Variants in GLUD1 observed in about 807,000 individuals in gnomAD.
The protein encoded by GLUD1 is glutamate dehydrogenase 1.
Under a neutral mutation model 56.0 loss-of-function variants are expected in GLUD1, and 22 were observed. The ratio of observed to expected loss-of-function variants is 0.39; its 90% CI spans 0.28 to 0.56. The LOEUF is 0.56. Among genes scored for constraint, GLUD1 ranks in the 20% least tolerant of loss-of-function variants. The pLI is 0.58. For synonymous variants in GLUD1, 223 were observed against 269.9 expected (o/e 0.83, Z 1.70); for missense variants, 451 against 732.0 (o/e 0.62, Z 4.43).
intron 1 of GLUD1, among the ~76,000 whole-genome samples, chr10:87,078,521 T>C (rs146139661): frequency 6.8e-4 from 104 of 152,352 alleles, no homozygotes; most frequent in African/African-American, 2.3e-3. Context: ...CTTTGTTATG[T>C]TCACTGCTTT....
chr10:87,094,251 G>T lies in GLUD1; in HGVS notation c.445+74C>A. 1 of 1,514,972 alleles carries T rather than the reference G, an allele frequency of 6.6e-7. No individual in the cohort carries two copies. The highest frequency in any genetic ancestry group is 8.9e-7 in the Non-Finnish European group (1 of 1,119,882). 93.8% of individuals were successfully genotyped at this position (1,514,972 alleles called of 1,614,324 possible). A position where few individuals can be genotyped will look rare whatever the true frequency, so the allele number is the denominator to read the frequency against. ...CTGGGCTGGGCTGAGCAGCGGCCCCGCACCGGCAGGAGGCCGGAGGGGAGG... is the reference window on the plus strand; with the variant it reads ...CTGGGCTGGGCTGAGCAGCGGCCCCTCACCGGCAGGAGGCCGGAGGGGAGG... On this transcript the variant is annotated intron_variant, in intron 1 of 12. Transcript: ENST00000277865. The surrounding 1 kb of genome is among the most constrained non-coding windows in gnomAD (Gnocchi z 6.6).
chr10:87,061,730 C>T (rs913585052), intron 6 of GLUD1, among the ~76,000 whole-genome samples: 2 of 151,764 alleles, frequency 1.3e-5, no homozygotes, highest in Non-Finnish European at 2.9e-5. Flanking sequence ...GAGTCTCCTG[C>T]CTTAGTCTCC....
rs199752396 is a variant in GLUD1 at position 87,094,440 on chromosome 10, C to T, written c.330G>A (p.Lys110=). Residue 110 remains lysine (K), a synonymous_variant, in exon 1 of 13, where the codon AAG becomes AAA. Transcript: ENST00000277865. This position sits in a 1 kb window ranked among gnomAD's most constrained non-coding sequence, Gnocchi z 6.6. ...NRVRGILRII[K]PCNHVLSLSF... ...AGAGACTCAGCACATGGTTGCAGGG[C>T]TTGATGATCCGCAGGATGCCGCGCA... 1.7e-5 allele frequency: 28 copies of T among 1,613,680 alleles called. No homozygotes were observed. Among genetic ancestry groups the T allele is most frequent in the Middle Eastern group, 1.7e-4 (1 of 5,880 alleles).
At chr10:87,080,909 A>G (rs1163843160) in intron 1 of GLUD1, among the ~76,000 whole-genome samples, 58 of 91,320 alleles carry the variant, frequency 6.4e-4, no homozygotes, top group South Asian at 1.1e-3. Context: ...GCCTCTGCCC[A>G]GCCGCCCCTA....
At chr10:87,081,946 C>CAAAA (rs71019464) in intron 1 of GLUD1, among the ~76,000 whole-genome samples, 4 of 85,666 alleles carry the variant, frequency 4.7e-5, no homozygotes, top group Non-Finnish European at 5.0e-5. Context: ...ATGATCAATA[C>CAAAA]AAAAAAAAAA....
intron 1 of GLUD1, among the ~76,000 whole-genome samples, chr10:87,088,340 T>C (rs1214602727): frequency 6.6e-6 from 1 of 151,986 alleles, no homozygotes; most frequent in African/African-American, 2.4e-5. Flanking sequence ...ATAAAAAAAT[T>C]CAACTTTGTT....
chr10:87,053,463 T>G, intron 11 of GLUD1, 59 bp from the exon 12 acceptor site: 2 of 1,083,580 alleles, frequency 1.8e-6, no homozygotes, highest in Non-Finnish European at 2.9e-6. Context: ...TGTGTCCCTG[T>G]ATAAGATGAC....
rs768294193 is a variant in GLUD1 at position 87,061,244 on chromosome 10, G to A, written c.922-192C>T. On this transcript the variant is annotated intron_variant, in intron 6 of 12. Coordinates refer to ENST00000277865, the MANE Select transcript of GLUD1 (RefSeq NM_005271.5). ...TTCTCTGTTTAAGAATGTGATGAGC[G>A]GGCATGGTGGCTCACGCTTGTAATT... is the stretch of plus-strand genomic sequence containing the variant. 630 of 705,528 alleles carry A rather than the reference G, an allele frequency of 8.9e-4. 1 individual carries two copies. Among genetic ancestry groups the A allele is most frequent in the Non-Finnish European group, 1.4e-3 (535 of 389,182 alleles). 43.7% of individuals were successfully genotyped at this position (705,528 alleles called of 1,614,324 possible). A position where few individuals can be genotyped will look rare whatever the true frequency, so the allele number is the denominator to read the frequency against.
chr10:87,059,600 G>C (rs1845876552), intron 9 of GLUD1, among the ~76,000 whole-genome samples: 1 of 152,170 alleles, frequency 6.6e-6, no homozygotes, highest in Non-Finnish European at 1.5e-5. Flanking sequence ...AGTTGGACTG[G>C]ACTGTCCACA....
At chr10:87,089,566 G>A in intron 1 of GLUD1, 1 of 971,396 alleles carries the variant, frequency 1.0e-6, no homozygotes, top group Non-Finnish European at 1.2e-6. Flanking sequence ...TCTGACCTTG[G>A]TGAAGGCAGT....
chr10:87,074,974 AT>A (rs1387856933), intron 3 of GLUD1, among the ~76,000 whole-genome samples: 1 of 152,244 alleles, frequency 6.6e-6, no homozygotes, highest in Non-Finnish European at 1.5e-5. Flanking sequence ...ATAATTTAGT[AT>A]TATGTAAAGC....
At chr10:87,087,729 C>T in intron 1 of GLUD1, among the ~76,000 whole-genome samples, 1 of 152,246 alleles carries the variant, frequency 6.6e-6, no homozygotes, top group Admixed American at 6.5e-5. Flanking sequence ...AAGCCACCCC[C>T]TCTTTATCTG....
At chr10:87,085,282 G>A (rs1841354154) in intron 1 of GLUD1, among the ~76,000 whole-genome samples, 1 of 148,870 alleles carries the variant, frequency 6.7e-6, no homozygotes, top group Admixed American at 6.8e-5. Flanking sequence ...GGAGACCGAG[G>A]TTGCAATGAG....
chr10:87,069,233 T>C (rs1846156806), intron 4 of GLUD1, among the ~76,000 whole-genome samples: 1 of 152,116 alleles, frequency 6.6e-6, no homozygotes, highest in Non-Finnish European at 1.5e-5. Context: ...GTTAAACTAT[T>C]AGGCTGAGCA....
Position 87,076,485 on chromosome 10 carries a change from AG to A in GLUD1, c.526+90del, listed in dbSNP as rs1169287229. ...ACTTGAAAAAAAATCAGTTCTGATA[AG>A]GTATATTTCTACAGCATCTTAACAG... On this transcript the variant is annotated intron_variant, in intron 2 of 12. Coordinates refer to ENST00000277865, the MANE Select transcript of GLUD1 (RefSeq NM_005271.5). The A allele has an allele frequency of 1.5e-5, 13 of 839,670 alleles. No homozygotes were observed. The African/African-American group carries it at 2.0e-4, about 13-fold the overall frequency. The allele number at this position is 839,670 out of a possible 1,614,324, so 52.0% of individuals were successfully genotyped here.
At chr10:87,080,626 C>G (rs1241335469) in intron 1 of GLUD1, among the ~76,000 whole-genome samples, 71 of 151,216 alleles carry the variant, frequency 4.7e-4, no homozygotes, top group African/African-American at 1.7e-3. Context: ...TCTGCCCGGC[C>G]GCGACCCCGT....
At position 87,062,936 on chromosome 10, in the gene GLUD1, A is replaced by C. The variant is rs556159446; in HGVS notation, c.742-101T>G. On this transcript the variant is annotated intron_variant, in intron 5 of 12. Transcript: ENST00000277865. Reference sequence around the variant, plus strand: ...CAAAGCACATTCTCATTTAATCAAAAATATGCTAATTAGGAGTGTGTGTAT... The same window carrying C: ...CAAAGCACATTCTCATTTAATCAAACATATGCTAATTAGGAGTGTGTGTAT... 715 of 1,069,004 alleles carry C rather than the reference A, an allele frequency of 6.7e-4. 1 individual carries two copies. Among genetic ancestry groups the C allele is most frequent in the Non-Finnish European group, 9.0e-4 (635 of 703,830 alleles). The allele number at this position is 1,069,004 out of a possible 1,614,324, so 66.2% of individuals were successfully genotyped here.
Position 87,074,466 on chromosome 10 carries a change from C to T in GLUD1, c.646+85G>A, listed in dbSNP as rs941883095. On this transcript the variant is annotated intron_variant, in intron 4 of 12. Coordinates refer to ENST00000277865, the MANE Select transcript of GLUD1 (RefSeq NM_005271.5). ...TCGCACCACTGCACTCTAGTCTGGG[C>T]AACAGAGTGAGACTCCGTCTCAAAA... 6.4e-6 allele frequency: 5 copies of T among 786,518 alleles called. No individual in the cohort carries two copies. The African/African-American group carries it at 8.7e-5, about 14-fold the overall frequency. 48.7% of individuals were successfully genotyped at this position (786,518 alleles called of 1,614,324 possible). A position where few individuals can be genotyped will look rare whatever the true frequency, so the allele number is the denominator to read the frequency against.
At chr10:87,068,460 A>G (rs1034756034) in intron 4 of GLUD1, among the ~76,000 whole-genome samples, 6 of 152,192 alleles carry the variant, frequency 3.9e-5, no homozygotes, top group African/African-American at 1.4e-4. Context: ...ACCAGAGGTT[A>G]ATCAGTTTAG....
Sources: allele counts gnomAD v4.1 joint callset (sites outside exome capture counted in the v4.1 genomes callset), GRCh38; gene constraint gnomAD v4.1.1; non-coding constraint Gnocchi (gnomAD v3.1); transcripts MANE v1.5; gene names NCBI Gene and HGNC (gene_info 2026-07-23, HGNC 2026-07-21).